BBOF1: variants seen among roughly 807,000 people sequenced by gnomAD.
BBOF1 encodes basal body-orientation factor 1.
BBOF1 carries 62 observed loss-of-function variants against 68.0 expected under a neutral mutation model. That is an observed-to-expected ratio of 0.91 (90% CI 0.74 to 1.13). The LOEUF is 1.13. Ranked by LOEUF, BBOF1 falls within the 50% of genes most tolerant of loss-of-function variation. The probability of loss-of-function intolerance (pLI) is 0.00; values close to 1 mark genes in which losing one functional copy is unlikely to be tolerated. For missense variants in BBOF1, 534 were observed against 600.1 expected (o/e 0.89, Z 1.15); for synonymous variants, 208 against 198.8 (o/e 1.05, Z -0.39).
intron 3 of BBOF1, 61 bp downstream of exon 3, chr14:74,029,310 A>G: frequency 9.6e-7 from 1 of 1,045,576 alleles, no homozygotes; most frequent in Non-Finnish European, 1.4e-6. Flanking sequence ...TGGCAAGCTC[A>G]GGTATTTAAG....
downstream of BBOF1, chr14:74,066,670 T>C (rs767063490): frequency 6.3e-7 from 1 of 1,597,608 alleles, no homozygotes. Context: ...TAAGGTGCCT[T>C]CAGCTCTCAT....
rs2059992619 is a variant in BBOF1 at position 74,048,183 on chromosome 14, T to G, written c.792+109T>G. 5 of 1,022,832 alleles carry G rather than the reference T, an allele frequency of 4.9e-6. No individual in the cohort carries two copies. The East Asian group carries it at 1.3e-4, about 26-fold the overall frequency. The allele number at this position is 1,022,832 out of a possible 1,614,324, so 63.4% of individuals were successfully genotyped here. On this transcript the variant is annotated intron_variant, in intron 7 of 11. Coordinates refer to ENST00000394009, the MANE Select transcript of BBOF1 (RefSeq NM_025057.3). Reference sequence around the variant, plus strand: ...GATATATAAGGACAATGAGACCATTTTCATCTGTCTGGATGATGCACTTTT... The same window carrying G: ...GATATATAAGGACAATGAGACCATTGTCATCTGTCTGGATGATGCACTTTT...
At chr14:74,024,474 T>C (rs947728782) in intron 2 of BBOF1, among the ~76,000 whole-genome samples, 3 of 152,056 alleles carry the variant, frequency 2.0e-5, no homozygotes, top group Non-Finnish European at 4.4e-5. Context: ...ATTACTTTAT[T>C]ATTATTTTTG....
At chr14:74,075,139 TAC>T in intron 9 of BBOF1, 1 of 813,992 alleles carries the variant, frequency 1.2e-6, no homozygotes, top group Non-Finnish European at 2.1e-6. Flanking sequence ...TCAAAGGCCA[TAC>T]AGTCATTAAA....
chr14:74,033,849 G>C (rs535148940), intron 3 of BBOF1, among the ~76,000 whole-genome samples, 179 bp from the exon 4 acceptor site: 1 of 152,052 alleles, frequency 6.6e-6, no homozygotes, highest in South Asian at 2.1e-4. Flanking sequence ...CTGGGCGACA[G>C]AGCAAGACTC....
At position 74,023,111 on chromosome 14, in the gene BBOF1, C is replaced by T; in HGVS notation, c.252C>T (p.Tyr84=). 1.3e-6 allele frequency: 2 copies of T among 1,590,290 alleles called. No homozygotes were observed. The highest frequency in any genetic ancestry group is 4.5e-5 in the East Asian group (2 of 44,286). The change falls in exon 2 of 12, where the codon TAC becomes TAT. Residue 84 remains tyrosine (Y), a synonymous_variant. Coordinates refer to ENST00000394009, the MANE Select transcript of BBOF1 (RefSeq NM_025057.3). ...AAGACATAATGTCAGTATTAAGTTA[C>T]CTGAAGAAGCAGGATCAGGAGAAAG... is the stretch of plus-strand genomic sequence containing the variant. ...MEKDIMSVLS[Y]LKKQDQEKDN...
intron 4 of BBOF1, among the ~76,000 whole-genome samples, chr14:74,034,698 G>C (rs755523868): frequency 1.9e-4 from 29 of 152,170 alleles, no homozygotes; most frequent in Non-Finnish European, 4.1e-4. Context: ...GCACAGGGGA[G>C]TGCCAGGAAC....
Position 74,065,294 on chromosome 14 carries a change from A to C in BBOF1, c.*595A>C, listed in dbSNP as rs776319322. On this transcript the variant is annotated 3_prime_UTR_variant, in exon 12 of 12. Transcript: ENST00000394009. ...TTTACAATCTGGATGGCTTCATCCA[A>C]TGTTTCTGTCTCCAGAACCACAAGA... The C allele has an allele frequency of 1.9e-6, 3 of 1,613,950 alleles. No individual in the cohort carries two copies. The highest frequency in any genetic ancestry group is 1.6e-4 in the Middle Eastern group (1 of 6,080).
intron 8 of BBOF1, among the ~76,000 whole-genome samples, chr14:74,052,644 C>CAAA (rs112439607): frequency 1.5e-5 from 2 of 133,080 alleles, no homozygotes; most frequent in African/African-American, 2.7e-5. Flanking sequence ...GACTCCATCT[C>CAAA]AAAAAAAAAA....
At chr14:74,026,609 C>T (rs1286370460) in intron 2 of BBOF1, among the ~76,000 whole-genome samples, 6 of 151,958 alleles carry the variant, frequency 3.9e-5, no homozygotes, top group Admixed American at 1.3e-4. Context: ...ACCACAATTG[C>T]TTTTGCACCA....
Position 74,034,053 on chromosome 14 carries a change from ATGAAC to A in BBOF1, c.379_383del (p.Glu127ArgfsTer37). ...GAACAAAAGTATACCAGGCAAATTA[ATGAAC>A]TAGAGGGACAGTTCCATCAAAAAGC... On this transcript the variant is annotated frameshift_variant, in exon 4 of 12. Coordinates refer to ENST00000394009, the MANE Select transcript of BBOF1 (RefSeq NM_025057.3). LOFTEE classifies it high-confidence loss of function. 1 of 1,600,120 alleles carries A rather than the reference ATGAAC, an allele frequency of 6.2e-7. No individual in the cohort carries two copies. Among genetic ancestry groups the A allele is most frequent in the Non-Finnish European group, 8.5e-7 (1 of 1,174,842 alleles).
At position 74,065,277 on chromosome 14, in the gene BBOF1, C is replaced by T. The variant is rs1156892766; in HGVS notation, c.*578C>T. The T allele has an allele frequency of 1.2e-6, 2 of 1,614,156 alleles. No individual in the cohort carries two copies. Among genetic ancestry groups the T allele is most frequent in the African/African-American group, 1.3e-5 (1 of 75,056 alleles). On this transcript the variant is annotated 3_prime_UTR_variant, in exon 12 of 12. Coordinates refer to ENST00000394009, the MANE Select transcript of BBOF1 (RefSeq NM_025057.3). ...TTCCATATGGGTTGTTATTTACAAT[C>T]TGGATGGCTTCATCCAATGTTTCTG... is the stretch of plus-strand genomic sequence containing the variant.
intron 8 of BBOF1, among the ~76,000 whole-genome samples, chr14:74,052,551 A>G (rs546630125): frequency 6.6e-6 from 1 of 152,202 alleles, no homozygotes; most frequent in Non-Finnish European, 1.5e-5. Flanking sequence ...AGGCTGAGGC[A>G]GGAGAATCAC....
chr14:74,034,041 C>A lies in BBOF1; in HGVS notation c.365C>A (p.Thr122Asn). Residue 122 changes from threonine to asparagine, a missense_variant, in exon 4 of 12, where the codon ACC becomes AAC. By Grantham distance (65) the Thr-to-Asn change is moderately conservative (BLOSUM62 0). Coordinates refer to ENST00000394009, the MANE Select transcript of BBOF1 (RefSeq NM_025057.3). The part of the protein sequence containing the change: ...EEKDKLEQKY[T>N]RQINELEGQF... ...TTTTGAATACAGGAACAAAAGTATA[C>A]CAGGCAAATTAATGAACTAGAGGGA... is the stretch of plus-strand genomic sequence containing the variant. The A allele has an allele frequency of 6.3e-7, 1 of 1,596,052 alleles. No individual in the cohort carries two copies. Among genetic ancestry groups the A allele is most frequent in the South Asian group, 1.1e-5 (1 of 86,964 alleles).
At chr14:74,045,915 T>G (rs2059937793) in intron 5 of BBOF1, 145 bp from the exon 6 acceptor site, 1 of 618,602 alleles carries the variant, frequency 1.6e-6, no homozygotes, top group South Asian at 2.4e-5. Flanking sequence ...CTGTCCTCTT[T>G]GTCAGCTTCT....
At position 74,082,393 on chromosome 14, in the gene BBOF1, G is replaced by GTTT. The variant is rs869211328; in HGVS notation, n.1640-371_1640-369dup. Among the ~76,000 whole-genome samples the GTTT allele has an allele frequency of 1.0e-3, 78 of 77,606 alleles. 10 individuals carry two copies. The highest frequency in any genetic ancestry group is 3.1e-3 in the African/African-American group (60 of 19,112). 50.9% of individuals were successfully genotyped at this position (77,606 alleles called of 152,430 possible). ...AATATTCATGGCTGCCAAAATCGAG[G>GTTT]TTTTTTTTTTTTTTTTTTTTTTTTT... On this transcript the variant is annotated intron_variant and non_coding_transcript_variant, in intron 12 of 12. Transcript: ENST00000492026.
chr14:74,029,754 G>A (rs894341741), intron 3 of BBOF1, among the ~76,000 whole-genome samples: 7 of 151,290 alleles, frequency 4.6e-5, no homozygotes, highest in Non-Finnish European at 1.0e-4. Context: ...ATAATATTAA[G>A]ATTGCTTCCT....
At chr14:74,072,406 C>G (rs926622341) in intron 9 of BBOF1, 1 of 1,614,036 alleles carries the variant, frequency 6.2e-7, no homozygotes, top group Non-Finnish European at 8.5e-7. Flanking sequence ...CCTGACTCAC[C>G]TTCTCCACTG....
intron 9 of BBOF1, chr14:74,072,064 A>G: frequency 6.4e-7 from 1 of 1,559,262 alleles, no homozygotes; most frequent in South Asian, 1.1e-5. Context: ...ACTGGAGGAG[A>G]TGCAGTACAA....
Sources: gnomAD v4.1 joint callset for allele counts (sites outside exome capture counted in the v4.1 genomes callset) on GRCh38, gnomAD v4.1.1 for gene constraint, MANE v1.5 for transcripts, NCBI Gene and HGNC (gene_info 2026-07-23, HGNC 2026-07-21) for gene names.